Variants in MACO1 observed in about 807,000 individuals in gnomAD.
MACO1 encodes macoilin 1.
Under a neutral mutation model 78.7 loss-of-function variants are expected in MACO1, and 14 were observed. That is an observed-to-expected ratio of 0.18 (90% confidence interval 0.12 to 0.28). The LOEUF is 0.28. Among genes scored for constraint, MACO1 ranks in the 10% least tolerant of loss-of-function variants. The probability of loss-of-function intolerance (pLI) is 1.00; values close to 1 mark genes in which losing one functional copy is unlikely to be tolerated. For synonymous variants in MACO1, 288 were observed against 291.6 expected (o/e 0.99, Z 0.12); for missense variants, 501 against 799.0 (o/e 0.63, Z 4.50).
chr1:25,480,545 C>T (rs1167697527), intron 6 of MACO1, among the ~76,000 whole-genome samples: 5 of 152,106 alleles, frequency 3.3e-5, no homozygotes, highest in African/African-American at 4.8e-5. Context: ...ACAAAGTGAA[C>T]ACATTCCTGT....
intron 6 of MACO1, among the ~76,000 whole-genome samples, chr1:25,467,282 T>A (rs920840568): frequency 6.6e-6 from 1 of 151,814 alleles, no homozygotes; most frequent in Non-Finnish European, 1.5e-5. Context: ...AAGAAATCAC[T>A]CTCTAAGATC....
intron 6 of MACO1, among the ~76,000 whole-genome samples, chr1:25,468,160 A>G (rs915740674): frequency 6.6e-6 from 1 of 152,090 alleles, no homozygotes; most frequent in African/African-American, 2.4e-5. Flanking sequence ...GCTCTTGCCA[A>G]AGACACATGA....
At chr1:25,435,942 G>A (rs1417521547) in intron 1 of MACO1, among the ~76,000 whole-genome samples, 3 of 152,138 alleles carry the variant, frequency 2.0e-5, no homozygotes, top group Non-Finnish European at 4.4e-5. Context: ...AGCAGTCTTG[G>A]CAGTTTAGTT....
chr1:25,497,844 C>T (rs1009820308), intron 10 of MACO1, among the ~76,000 whole-genome samples: 3 of 152,200 alleles, frequency 2.0e-5, no homozygotes, highest in African/African-American at 4.8e-5. Context: ...AGCCCTCTTA[C>T]GCTGTCATAG....
At chr1:25,447,761 C>T (rs1214881072) in intron 2 of MACO1, among the ~76,000 whole-genome samples, 1 of 152,170 alleles carries the variant, frequency 6.6e-6, no homozygotes, top group Non-Finnish European at 1.5e-5. Context: ...TTGGAGGGAT[C>T]TCAAAGACAC....
intron 6 of MACO1, among the ~76,000 whole-genome samples, chr1:25,479,356 T>C (rs1399153548): frequency 1.3e-5 from 2 of 152,182 alleles, no homozygotes; most frequent in Non-Finnish European, 2.9e-5. Context: ...ATAGTAGTTA[T>C]CTGTTTAATA....
intron 1 of MACO1, 148 bp from the exon 2 acceptor site, chr1:25,446,614 G>A (rs375296791): frequency 5.0e-5 from 37 of 740,480 alleles, no homozygotes; most frequent in South Asian, 3.8e-4. Context: ...GATGGGCCAC[G>A]GCAGCATCTC....
rs1274659784 is a variant in MACO1, at chr1:25,430,922, A to G, written c.-177A>G. The G allele has an allele frequency of 2.1e-6, 1 of 474,414 alleles. No homozygotes were observed. Among genetic ancestry groups the G allele is most frequent in the African/African-American group, 2.1e-5 (1 of 47,966 alleles). 29.4% of individuals were successfully genotyped at this position (474,414 alleles called of 1,614,324 possible). A position where few individuals can be genotyped will look rare whatever the true frequency, so the allele number is the denominator to read the frequency against. On this transcript the variant is annotated 5_prime_UTR_variant, in exon 1 of 11. Coordinates refer to ENST00000374343, the MANE Select transcript of MACO1 (RefSeq NM_018202.6). ...GTCATTTCTTTGTTTCCGAAGGCGG[A>G]GGAGGCTCCGAGCCCCCCCTCCCCG...
intron 10 of MACO1, among the ~76,000 whole-genome samples, chr1:25,497,773 G>T (rs1242049123): frequency 6.6e-6 from 1 of 152,104 alleles, no homozygotes; most frequent in Non-Finnish European, 1.5e-5. Flanking sequence ...GACACTCAGA[G>T]ATAGTCTGTC....
At position 25,431,369 on chromosome 1, in the gene MACO1, G is replaced by A. The variant is rs893882210; in HGVS notation, c.80+191G>A. Among the ~76,000 whole-genome samples the A allele has an allele frequency of 1.6e-3, 238 of 146,718 alleles. 1 individual carries two copies. Among genetic ancestry groups the A allele is most frequent in the Non-Finnish European group, 2.9e-3 (189 of 65,926 alleles). On this transcript the variant is annotated intron_variant, in intron 1 of 10. Coordinates refer to ENST00000374343, the MANE Select transcript of MACO1 (RefSeq NM_018202.6). ...CCCGGGTGCGCGGGGCGTGGCGAGG[G>A]TCGGCCCGGCCGGGCGGGCAGGGCG...
At chr1:25,492,493 G>C (rs1464137980) in intron 10 of MACO1, among the ~76,000 whole-genome samples, 1 of 152,060 alleles carries the variant, frequency 6.6e-6, no homozygotes, top group Non-Finnish European at 1.5e-5. Flanking sequence ...CCGGGGAGGG[G>C]GCAGCAAGTG....
chr1:25,494,521 C>T (rs1284954585), intron 10 of MACO1, among the ~76,000 whole-genome samples: 1 of 152,100 alleles, frequency 6.6e-6, no homozygotes. Flanking sequence ...CTAGATCTTC[C>T]TGAAGGAAGA....
At position 25,444,183 on chromosome 1, in the gene MACO1, C is replaced by T. The variant is rs112826379; in HGVS notation, c.81-2579C>T. ...CCAAGGCAGGAGGATCACTTGAACC[C>T]GGGAAGTGGAGGTTGCAGTGAGCTG... is the stretch of plus-strand genomic sequence containing the variant. On this transcript the variant is annotated intron_variant, in intron 1 of 10. Coordinates refer to ENST00000374343, the MANE Select transcript of MACO1 (RefSeq NM_018202.6). 1.5e-4 allele frequency among the ~76,000 whole-genome samples: 23 copies of T among 151,732 alleles called. 1 individual carries two copies. Among genetic ancestry groups the T allele is most frequent in the African/African-American group, 5.3e-4 (22 of 41,400 alleles).
chr1:25,491,264 C>T (rs1375905852), intron 9 of MACO1, 146 bp from the exon 10 acceptor site: 2 of 951,318 alleles, frequency 2.1e-6, no homozygotes, highest in Non-Finnish European at 3.1e-6. Flanking sequence ...ACACATTTAG[C>T]ACTTGCCTAA....
rs572012445 is a variant in MACO1, at chr1:25,447,791, C to T, written c.222+888C>T. Among the ~76,000 whole-genome samples, 10 of 152,340 alleles carry T rather than the reference C, an allele frequency of 6.6e-5. 1 individual carries two copies. In the South Asian group the frequency reaches 2.1e-3, roughly 32 times the overall value. ...AGACACCCCAGAAATCCCCAAACCA[C>T]ATTTAGACAGCTGCTGGATTGGAGC... On this transcript the variant is annotated intron_variant, in intron 2 of 10. Transcript: ENST00000374343.
Position 25,456,902 on chromosome 1 carries a change from T to C in MACO1, c.652+71T>C, listed in dbSNP as rs553403768. The C allele has an allele frequency of 4.7e-6, 7 of 1,489,946 alleles. No homozygotes were observed. In the Admixed American group the frequency reaches 1.8e-4, roughly 38 times the overall value. 92.3% of individuals were successfully genotyped at this position (1,489,946 alleles called of 1,614,324 possible). On this transcript the variant is annotated intron_variant, in intron 5 of 10. Coordinates refer to ENST00000374343, the MANE Select transcript of MACO1 (RefSeq NM_018202.6). ...TTTTGTCTCTTGGTAGAATTTTCTT[T>C]TCTGGAAAAGTAGCTAGGATTTTGT...
chr1:25,467,801 T>C (rs2043232683), intron 6 of MACO1, among the ~76,000 whole-genome samples: 1 of 151,788 alleles, frequency 6.6e-6, no homozygotes, highest in South Asian at 2.1e-4. Context: ...TGAACTCTGT[T>C]GTTTTTCATT....
intron 6 of MACO1, among the ~76,000 whole-genome samples, chr1:25,478,081 C>CA (rs2043338887): frequency 6.7e-6 from 1 of 150,264 alleles, no homozygotes; most frequent in Non-Finnish European, 1.5e-5. Flanking sequence ...CCCATCTCTA[C>CA]AAAAAATACA....
At chr1:25,447,017 C>G (rs2124576507) in intron 2 of MACO1, 114 bp downstream of exon 2, 2 of 1,260,016 alleles carry the variant, frequency 1.6e-6, no homozygotes, top group Middle Eastern at 2.0e-4. Flanking sequence ...GGTCTGTTAA[C>G]TGAAATTGAC....
Sources: gnomAD v4.1 joint callset for allele counts (sites outside exome capture counted in the v4.1 genomes callset) on GRCh38, gnomAD v4.1.1 for gene constraint, MANE v1.5 for transcripts, NCBI Gene and HGNC (gene_info 2026-07-23, HGNC 2026-07-21) for gene names.